Variants in HDX observed in about 807,000 individuals in gnomAD.
HDX encodes highly divergent homeobox.
A neutral mutation model predicts 45.2 loss-of-function variants in HDX; 19 were observed. The observed-to-expected ratio is 0.42, with a 90% CI of 0.29 to 0.62. The LOEUF (loss-of-function observed/expected upper bound fraction) is 0.62. Among genes scored for constraint, HDX ranks in the 20% least tolerant of loss-of-function variants. HDX has a pLI of 0.20. For missense variants in HDX, 532 were observed against 493.9 expected, an observed-to-expected ratio of 1.08 and a Z score of -0.73; for synonymous variants, 188 against 172.8, an observed-to-expected ratio of 1.09 and a Z score of -0.69.
intron 4 of HDX, among the ~76,000 whole-genome samples, chrX:84,446,314 A>G (rs2039871177): frequency 8.9e-6 from 1 of 112,035 alleles, no homozygotes; most frequent in Non-Finnish European, 1.9e-5. Context: ...ATAAATTGTC[A>G]ATGTTAGCTT....
chrX:84,343,739 T>C (rs1781212350), intron 7 of HDX, among the ~76,000 whole-genome samples: 1 of 111,100 alleles, frequency 9.0e-6, no homozygotes. Context: ...ATTTTAATTA[T>C]TTTTTAGAGA....
chrX:84,430,578 TCTTTGAGTAA>T, intron 5 of HDX, among the ~76,000 whole-genome samples: 1 of 110,939 alleles, frequency 9.0e-6, no homozygotes, highest in Middle Eastern at 4.6e-3. Context: ...TACTCATATT[TCTTTGAGTAA>T]CCTCCAGCTG....
rs768176851 is a variant in HDX, at chrX:84,475,322, G to A, written c.76C>T (p.Gln26Ter). 8.5e-7 allele frequency: 1 copy of A among 1,179,276 alleles called. No homozygotes were observed. Among genetic ancestry groups the A allele is most frequent in the African/African-American group, 1.8e-5 (1 of 56,476 alleles). ...ATGAGCTGAAAGCAATTTTTACTTT[G>A]ATTTGTCATTCCATTTTCATAATAA... is the stretch of plus-strand genomic sequence containing the variant. ...QRYYENGMTN[Q>*]SKNCFQLILQ... The change falls in exon 3 of 11, where the codon CAA (glutamine) becomes TAA (stop). Residue 26 changes from glutamine (Q) to a stop codon, truncating the protein, a stop_gained. Transcript: ENST00000373177. LOFTEE classifies it high-confidence loss of function.
intron 5 of HDX, among the ~76,000 whole-genome samples, chrX:84,422,801 T>G (rs1264331536): frequency 9.4e-6 from 1 of 105,948 alleles, no homozygotes; most frequent in East Asian, 3.0e-4. Context: ...CCCGAGTAGC[T>G]GGGACTACAG....
chrX:84,379,554 A>C (rs2038138689), intron 5 of HDX, among the ~76,000 whole-genome samples: 1 of 111,943 alleles, frequency 8.9e-6, no homozygotes, highest in Admixed American at 9.5e-5. Flanking sequence ...CAAATGAATA[A>C]AACTAGAAAT....
At chrX:84,367,232 A>C (rs2037780448) in intron 5 of HDX, among the ~76,000 whole-genome samples, 1 of 112,546 alleles carries the variant, frequency 8.9e-6, no homozygotes, top group Non-Finnish European at 1.9e-5. Flanking sequence ...TTATGAGGCC[A>C]ACAAACATAT....
chrX:84,499,424 G>A (rs2148218418), intron 1 of HDX, among the ~76,000 whole-genome samples: 1 of 111,673 alleles, frequency 9.0e-6, no homozygotes, highest in Admixed American at 9.5e-5. Context: ...ATCCAGAGTT[G>A]CTTAAGTTTG....
chrX:84,468,735 C>T lies in HDX; in HGVS notation c.988G>A (p.Gly330Ser), dbSNP rs755686927. 1.6e-5 allele frequency: 19 copies of T among 1,211,740 alleles called. No individual in the cohort carries two copies. In the South Asian group the frequency reaches 2.6e-4, roughly 17 times the overall value. ...TGGTTCTCAGCTCGAAGGGAACTGC[C>T]ACTTTCATAAAATCTCGAATAGCTT... Reference protein sequence around the residue: ...IPSYSRFYESGSSLRAENQST... With the variant: ...IPSYSRFYESSSSLRAENQST... The change falls in exon 4 of 11, where the codon GGC (glycine) becomes AGC (serine). Residue 330 changes from glycine (G) to serine (S), a missense_variant. Physicochemically the swap from Gly to Ser is moderately conservative, Grantham distance 56. Transcript: ENST00000373177.
rs182749950 is a variant in HDX at position 84,365,092 on chromosome X, C to T, written c.1306-3480G>A. ...GGAGGGCAGATATCTTCTTGATATC[C>T]TGATTTCTTTTTTTTTCAATACCAG... is the stretch of plus-strand genomic sequence containing the variant. On this transcript the variant is annotated intron_variant, in intron 5 of 10. Coordinates refer to ENST00000373177, the MANE Select transcript of HDX (RefSeq NM_001177479.2). Among the ~76,000 whole-genome samples, 280 of 95,679 alleles carry T rather than the reference C, an allele frequency of 2.9e-3. 2 individuals carry two copies. The highest frequency in any genetic ancestry group is 0.012 in the African/African-American group (271 of 21,812). 83.1% of individuals were successfully genotyped at this position (95,679 alleles called of 115,157 possible).
intron 6 of HDX, among the ~76,000 whole-genome samples, chrX:84,358,083 T>A (rs2037530787): frequency 8.9e-6 from 1 of 112,182 alleles, no homozygotes; most frequent in South Asian, 3.6e-4. Context: ...AGCTGTAAAT[T>A]GCATATACAT....
At chrX:84,466,331 G>C (rs1380878113) in intron 4 of HDX, among the ~76,000 whole-genome samples, 1 of 111,606 alleles carries the variant, frequency 9.0e-6, no homozygotes, top group Non-Finnish European at 1.9e-5. Flanking sequence ...TTCCTGTGAA[G>C]TAGGAATTAG....
chrX:84,372,247 C>A (rs2037914146), intron 5 of HDX, among the ~76,000 whole-genome samples: 1 of 111,684 alleles, frequency 9.0e-6, no homozygotes, highest in African/African-American at 3.2e-5. Context: ...AAGCCAACAT[C>A]AGAAAGTGCT....
At chrX:84,498,109 C>A (rs1386110083) in intron 1 of HDX, among the ~76,000 whole-genome samples, 1 of 111,279 alleles carries the variant, frequency 9.0e-6, no homozygotes, top group East Asian at 2.8e-4. Context: ...GCACATATGT[C>A]TAGTTGTTAA....
At chrX:84,493,867 G>A (rs980892214) in intron 1 of HDX, among the ~76,000 whole-genome samples, 1 of 111,346 alleles carries the variant, frequency 9.0e-6, no homozygotes, top group Non-Finnish European at 1.9e-5. Flanking sequence ...TAACTGAATT[G>A]TTTGTAACAC....
chrX:84,422,025 A>T (rs1250094655), intron 5 of HDX, among the ~76,000 whole-genome samples: 2 of 110,825 alleles, frequency 1.8e-5, no homozygotes, highest in African/African-American at 3.3e-5. Flanking sequence ...CAAAAAAAAA[A>T]AAAGACATAA....
intron 5 of HDX, among the ~76,000 whole-genome samples, chrX:84,378,313 T>C (rs1335695246): frequency 9.0e-6 from 1 of 111,652 alleles, no homozygotes; most frequent in Non-Finnish European, 1.9e-5. Flanking sequence ...ATCACTTTAA[T>C]CACTCACAGG....
chrX:84,336,150 C>G (rs1347394379), intron 8 of HDX, among the ~76,000 whole-genome samples: 1 of 110,964 alleles, frequency 9.0e-6, no homozygotes, highest in East Asian at 2.9e-4. Flanking sequence ...CTTGATAGGG[C>G]AGAATATAAA....
At chrX:84,450,873 T>G (rs1321812482) in intron 4 of HDX, among the ~76,000 whole-genome samples, 1 of 111,850 alleles carries the variant, frequency 8.9e-6, no homozygotes, top group Non-Finnish European at 1.9e-5. Flanking sequence ...GGAGTTAAAC[T>G]AGAAATCAGT....
intron 5 of HDX, among the ~76,000 whole-genome samples, chrX:84,417,053 T>A (rs1258947803): frequency 9.2e-6 from 1 of 109,109 alleles, no homozygotes; most frequent in East Asian, 2.9e-4. Flanking sequence ...ACTAAGGAGC[T>A]TGAGGCAGGA....
Sources: allele counts gnomAD v4.1 joint callset (sites outside exome capture counted in the v4.1 genomes callset), GRCh38; gene constraint gnomAD v4.1.1; transcripts MANE v1.5; gene names NCBI Gene and HGNC (gene_info 2026-07-23, HGNC 2026-07-21).